VPS13B: variants seen among roughly 807,000 people sequenced by gnomAD.
VPS13B encodes the protein vacuolar protein sorting 13 homolog B, also known as intermembrane lipid transfer protein VPS13B.
A neutral mutation model predicts 426.4 loss-of-function variants in VPS13B; 285 were observed. The observed-to-expected ratio is 0.67, with a 90% CI of 0.61 to 0.74. The LOEUF is 0.74. Among genes scored for constraint, VPS13B ranks in the 30% least tolerant of loss-of-function variants. The pLI is 0.00. For synonymous variants in VPS13B, 1,676 were observed against 1,676.4 expected (o/e 1.00, Z 0.01); for missense variants, 4,537 against 4,782.6 (o/e 0.95, Z 1.51).
At chr8:99,558,742 TC>T (rs1163877227) in intron 31 of VPS13B, among the ~76,000 whole-genome samples, 6 of 152,202 alleles carry the variant, frequency 3.9e-5, no homozygotes, top group African/African-American at 1.4e-4. Flanking sequence ...CGTGAACTCA[TC>T]CTTTTTTATG....
intron 33 of VPS13B, among the ~76,000 whole-genome samples, chr8:99,625,030 G>C (rs1828548320): frequency 6.6e-6 from 1 of 151,938 alleles, no homozygotes; most frequent in Non-Finnish European, 1.5e-5. Context: ...TCTCCATGTT[G>C]GTCAGGCTGG....
At chr8:99,185,810 A>T (rs1341773627) in intron 16 of VPS13B, among the ~76,000 whole-genome samples, 2 of 152,196 alleles carry the variant, frequency 1.3e-5, no homozygotes, top group South Asian at 4.1e-4. Context: ...ATTTAGAAGA[A>T]GGAATTTTTT....
chr8:99,024,484 G>C (rs756338575), intron 2 of VPS13B, among the ~76,000 whole-genome samples: 12 of 152,204 alleles, frequency 7.9e-5, no homozygotes, highest in Non-Finnish European at 1.5e-4. Context: ...TGTATATGGT[G>C]AGAGATCGGG....
chr8:99,184,166 A>G (rs1441585201), intron 16 of VPS13B, among the ~76,000 whole-genome samples: 1 of 152,210 alleles, frequency 6.6e-6, no homozygotes, highest in East Asian at 1.9e-4. Flanking sequence ...TAAGGCTATT[A>G]TGAATAATGC....
chr8:99,809,114 A>G (rs972296244), intron 43 of VPS13B, among the ~76,000 whole-genome samples: 3 of 152,248 alleles, frequency 2.0e-5, no homozygotes, highest in Non-Finnish European at 4.4e-5. Context: ...AATGTTCAGC[A>G]GGCCTTTTAC....
chr8:99,719,327 G>C (rs1235956017), intron 37 of VPS13B, among the ~76,000 whole-genome samples: 1 of 152,158 alleles, frequency 6.6e-6, no homozygotes, highest in Non-Finnish European at 1.5e-5. Context: ...TTAAAGGCTA[G>C]AGCACAACAT....
chr8:99,852,361 G>A (rs563914284), intron 55 of VPS13B, among the ~76,000 whole-genome samples: 1 of 152,192 alleles, frequency 6.6e-6, no homozygotes, highest in Non-Finnish European at 1.5e-5. Context: ...GGTATTTCAG[G>A]TCATAAGACT....
At chr8:99,724,782 C>T (rs973566223) in intron 39 of VPS13B, among the ~76,000 whole-genome samples, 9 of 152,194 alleles carry the variant, frequency 5.9e-5, no homozygotes, top group African/African-American at 2.2e-4. Context: ...TCTCTTCCTT[C>T]CAGCCTGTCC....
chr8:99,048,827 G>A (rs1157670385), intron 3 of VPS13B, among the ~76,000 whole-genome samples: 3 of 134,176 alleles, frequency 2.2e-5, no homozygotes, highest in Admixed American at 1.4e-4. Context: ...AAAAAAAAAA[G>A]AAAATTTGGG....
chr8:99,556,279 A>G (rs1824556609), intron 30 of VPS13B, among the ~76,000 whole-genome samples, 171 bp from the exon 31 acceptor site: 1 of 152,160 alleles, frequency 6.6e-6, no homozygotes, highest in Non-Finnish European at 1.5e-5. Flanking sequence ...TTCAAGTCAT[A>G]ATATGTACTA....
intron 35 of VPS13B, among the ~76,000 whole-genome samples, chr8:99,682,628 G>A (rs935262876): frequency 3.3e-5 from 5 of 152,080 alleles, no homozygotes; most frequent in Non-Finnish European, 7.4e-5. Context: ...TCTGTACTGA[G>A]CTGCCTGGAG....
chr8:99,798,207 A>G (rs1004491798), intron 43 of VPS13B, among the ~76,000 whole-genome samples: 4 of 151,388 alleles, frequency 2.6e-5, no homozygotes, highest in Admixed American at 6.6e-5. Flanking sequence ...TTTCAGTTTT[A>G]AGCAGTAATT....
At chr8:99,746,971 C>T (rs1439154444) in intron 39 of VPS13B, among the ~76,000 whole-genome samples, 4 of 152,080 alleles carry the variant, frequency 2.6e-5, no homozygotes, top group Admixed American at 2.0e-4. Context: ...ATGACGTCCA[C>T]CAAATAACAT....
intron 28 of VPS13B, 67 bp from the exon 29 acceptor site, chr8:99,511,037 T>C: frequency 6.4e-7 from 1 of 1,573,654 alleles, no homozygotes; most frequent in Non-Finnish European, 8.6e-7. Flanking sequence ...GTCATTTTCT[T>C]CTTTCCAATT....
intron 31 of VPS13B, among the ~76,000 whole-genome samples, chr8:99,564,368 C>A (rs1196398678): frequency 6.6e-6 from 1 of 152,144 alleles, no homozygotes; most frequent in African/African-American, 2.4e-5. Context: ...AAGCACTTGA[C>A]CTGGTTAAAA....
chr8:99,740,843 C>T (rs541821570), intron 39 of VPS13B, among the ~76,000 whole-genome samples: 1 of 151,604 alleles, frequency 6.6e-6, no homozygotes, highest in African/African-American at 2.4e-5. Context: ...TGGAAAGGAA[C>T]AACCAGTACC....
rs1304859389 is a variant in VPS13B at position 99,543,458 on chromosome 8, A to G, written c.4746-12992A>G. The stretch of plus-strand genomic sequence containing the variant: ...AATGGCAACAAAAGCCAAAATTGAC[A>G]AATGGGATCTAATTAAACTAAAGAG... On this transcript the variant is annotated intron_variant, in intron 30 of 61. Transcript: ENST00000357162. 5.3e-5 allele frequency among the ~76,000 whole-genome samples: 8 copies of G among 151,888 alleles called. No individual in the cohort carries two copies. The South Asian group carries it at 1.7e-3, about 31-fold the overall frequency.
Position 99,820,047 on chromosome 8 carries a change from C to A in VPS13B, c.8919C>A (p.Asp2973Glu). 6.2e-7 allele frequency: 1 copy of A among 1,613,974 alleles called. No homozygotes were observed. Among genetic ancestry groups the A allele is most frequent in the Non-Finnish European group, 8.5e-7 (1 of 1,179,896 alleles). Residue 2973 changes from aspartate (D) to glutamate (E), a missense_variant, in exon 49 of 62, where the codon GAC becomes GAA. Asp to Glu is a conservative substitution (Grantham distance 45). Around this residue, in one of 2 missense-constraint regions of VPS13B, gnomAD observed 4,311 missense variants for 4,474.3 expected, o/e 0.96. Transcript: ENST00000357162. The stretch of plus-strand genomic sequence containing the variant: ...TGCTTATCAATGAATCCAAATGGGA[C>A]CTCTGGCTATTTGAAGGAGAGAAAA... ...WALLINESKW[D>E]LWLFEGEKIV...
chr8:99,355,890 T>G (rs1037147281), intron 19 of VPS13B, among the ~76,000 whole-genome samples: 1 of 152,162 alleles, frequency 6.6e-6, no homozygotes, highest in Non-Finnish European at 1.5e-5. Context: ...TGTTTGCTTC[T>G]TTGTTTTATT....
Sources: allele counts gnomAD v4.1 joint callset (sites outside exome capture counted in the v4.1 genomes callset), GRCh38; gene constraint gnomAD v4.1.1; regional missense constraint gnomAD v4.1.1; transcripts MANE v1.5; gene names NCBI Gene and HGNC (gene_info 2026-07-23, HGNC 2026-07-21).